NKAIN2: variants seen among roughly 807,000 people sequenced by gnomAD.
The protein encoded by NKAIN2 is sodium/potassium transporting ATPase interacting 2.
A neutral mutation model predicts 32.6 loss-of-function variants in NKAIN2; 14 were observed. The observed-to-expected ratio is 0.43, with a 90% CI of 0.28 to 0.67. The LOEUF (loss-of-function observed/expected upper bound fraction) is 0.67. NKAIN2 is among the 30% of genes least tolerant of loss of function. The pLI is 0.17. For missense variants in NKAIN2, 198 were observed against 258.3 expected, an observed-to-expected ratio of 0.77 and a Z score of 1.60; for synonymous variants, 80 against 87.2, an observed-to-expected ratio of 0.92 and a Z score of 0.46.
At chr6:124,598,230 T>G (rs1782169630) in intron 3 of NKAIN2, among the ~76,000 whole-genome samples, 1 of 152,170 alleles carries the variant, frequency 6.6e-6, no homozygotes, top group African/African-American at 2.4e-5. Flanking sequence ...GTTTTTTAGT[T>G]ATATCCCCCA....
chr6:123,983,759 G>A (rs1477721657), intron 1 of NKAIN2, among the ~76,000 whole-genome samples: 1 of 150,408 alleles, frequency 6.6e-6, no homozygotes, highest in East Asian at 1.9e-4. Context: ...TTTTTTTCTA[G>A]TAATAATATT....
intron 1 of NKAIN2, among the ~76,000 whole-genome samples, chr6:124,169,474 C>T (rs770493386): frequency 6.6e-6 from 1 of 152,080 alleles, no homozygotes; most frequent in African/African-American, 2.4e-5. Flanking sequence ...TTTTACAATC[C>T]ATGGCACATA....
At chr6:124,603,041 A>G (rs1583503816) in intron 3 of NKAIN2, among the ~76,000 whole-genome samples, 1 of 152,136 alleles carries the variant, frequency 6.6e-6, no homozygotes, top group Non-Finnish European at 1.5e-5. Context: ...TGCAACCAGA[A>G]TTTATAGAGC....
chr6:123,843,170 A>T (rs1253315059), intron 1 of NKAIN2, among the ~76,000 whole-genome samples: 1 of 152,120 alleles, frequency 6.6e-6, no homozygotes, highest in Non-Finnish European at 1.5e-5. Context: ...CTCAGTGAAG[A>T]CTCAGTGTGA....
intron 3 of NKAIN2, among the ~76,000 whole-genome samples, chr6:124,429,327 C>T (rs1465641127): frequency 2.6e-5 from 4 of 152,074 alleles, no homozygotes; most frequent in Admixed American, 2.6e-4. Context: ...GGATTACTGG[C>T]GTGAGCCACT....
chr6:124,694,086 G>A (rs1396874792), intron 4 of NKAIN2, among the ~76,000 whole-genome samples: 2 of 152,150 alleles, frequency 1.3e-5, no homozygotes, highest in Admixed American at 1.3e-4. Flanking sequence ...AAGTGTTTAA[G>A]GCATTTGTTT....
intron 3 of NKAIN2, among the ~76,000 whole-genome samples, chr6:124,510,151 G>GA (rs34750269): frequency 0.47 from 70,089 of 148,454 alleles, 17,794 homozygotes; most frequent in South Asian, 0.6. Context: ...AGTGCTTTGG[G>GA]AAAAAAAAAA....
intron 1 of NKAIN2, among the ~76,000 whole-genome samples, chr6:123,888,886 C>G (rs1042531670): frequency 6.6e-6 from 1 of 152,086 alleles, no homozygotes. Flanking sequence ...GGCAACTGCA[C>G]CGTCATGCAG....
At position 124,047,355 on chromosome 6, in the gene NKAIN2, C is replaced by T. The variant is rs1782189271; in HGVS notation, c.55-235650C>T. On this transcript the variant is annotated intron_variant, in intron 1 of 6. Transcript: ENST00000368417. ...ATTAGTCTTTTGTTGAAAGTCAGTA[C>T]AAGTTGTATGGTTTTCGTATGTCTA... 2.0e-5 allele frequency among the ~76,000 whole-genome samples: 3 copies of T among 151,854 alleles called. No homozygotes were observed. In the South Asian group the frequency reaches 6.2e-4, roughly 32 times the overall value.
At chr6:124,093,857 C>G (rs1784535056) in intron 1 of NKAIN2, among the ~76,000 whole-genome samples, 1 of 152,060 alleles carries the variant, frequency 6.6e-6, no homozygotes, top group East Asian at 1.9e-4. Context: ...AAGAGGAAAG[C>G]CAGAGAAACT....
rs1305786347 is a variant in NKAIN2, at chr6:123,803,926, G to A, written c.-275G>A. ...GCTGCTGCCCCTGCGGGCCCCGAGC[G>A]CGCCTCCGCAGGCGGCACTGCCCGC... On this transcript the variant is annotated 5_prime_UTR_variant, in exon 1 of 7. Coordinates refer to ENST00000368417, the MANE Select transcript of NKAIN2 (RefSeq NM_001040214.3). 2.0e-5 allele frequency among the ~76,000 whole-genome samples: 3 copies of A among 149,838 alleles called. No individual in the cohort carries two copies. Among genetic ancestry groups the A allele is most frequent in the African/African-American group, 7.3e-5 (3 of 41,156 alleles).
intron 3 of NKAIN2, among the ~76,000 whole-genome samples, chr6:124,506,195 A>C (rs1778475660): frequency 6.6e-6 from 1 of 152,084 alleles, no homozygotes; most frequent in Non-Finnish European, 1.5e-5. Context: ...AAAAAGAAAA[A>C]AAAAGATTGT....
At chr6:124,716,802 ATTTTTCTT>A (rs1775779845) in intron 4 of NKAIN2, among the ~76,000 whole-genome samples, 1 of 42,684 alleles carries the variant, frequency 2.3e-5, no homozygotes. Context: ...TAGTTTACTA[ATTTTTCTT>A]GTTTATAGTC....
Position 124,679,988 on chromosome 6 carries a change from T to C in NKAIN2, c.474+21602T>C, listed in dbSNP as rs912333266. ...ACAGAAACCACTGTAAGTGTCTAAATAGATAAGAAAGCAAGAGATATCATT... is the reference window on the plus strand; with the variant it reads ...ACAGAAACCACTGTAAGTGTCTAAACAGATAAGAAAGCAAGAGATATCATT... On this transcript the variant is annotated intron_variant, in intron 4 of 6. Transcript: ENST00000368417. 5.3e-5 allele frequency among the ~76,000 whole-genome samples: 8 copies of C among 152,246 alleles called. No homozygotes were observed. In the East Asian group the frequency reaches 5.8e-4, roughly 11 times the overall value.
At chr6:123,867,914 G>C (rs1003948174) in intron 1 of NKAIN2, among the ~76,000 whole-genome samples, 5 of 149,608 alleles carry the variant, frequency 3.3e-5, no homozygotes, top group African/African-American at 1.2e-4. Context: ...TGTCGCCCAG[G>C]CTGGAGTGCA....
intron 1 of NKAIN2, among the ~76,000 whole-genome samples, chr6:124,225,889 A>G (rs1026320781): frequency 2.8e-4 from 42 of 152,164 alleles, no homozygotes; most frequent in African/African-American, 2.4e-5. Context: ...CATGAGGTAT[A>G]TAGTATGATG....
intron 1 of NKAIN2, among the ~76,000 whole-genome samples, chr6:124,079,952 A>AG (rs968913864): frequency 1.3e-5 from 2 of 151,530 alleles, no homozygotes; most frequent in Non-Finnish European, 2.9e-5. Context: ...AAAAAAAAAA[A>AG]GGGAAAAAAC....
intron 4 of NKAIN2, among the ~76,000 whole-genome samples, chr6:124,758,144 T>C (rs897871977): frequency 6.6e-6 from 1 of 152,068 alleles, no homozygotes; most frequent in Admixed American, 6.6e-5. Context: ...TAGACTCCAG[T>C]TCTAACAACC....
At chr6:124,502,038 A>T (rs1225741978) in intron 3 of NKAIN2, among the ~76,000 whole-genome samples, 1 of 152,090 alleles carries the variant, frequency 6.6e-6, no homozygotes, top group Non-Finnish European at 1.5e-5. Context: ...CAGGAGGCGG[A>T]GTTTGGAGTG....
Sources: gnomAD v4.1 joint callset for allele counts (sites outside exome capture counted in the v4.1 genomes callset) on GRCh38, gnomAD v4.1.1 for gene constraint, MANE v1.5 for transcripts, NCBI Gene and HGNC (gene_info 2026-07-23, HGNC 2026-07-21) for gene names.